SYN3: variants seen among roughly 807,000 people sequenced by gnomAD.
SYN3 encodes the protein synapsin-3.
In SYN3, 35 loss-of-function variants were observed where a neutral mutation model predicts 65.8. The observed-to-expected ratio is 0.53, with a 90% CI of 0.41 to 0.70. SYN3 has a LOEUF of 0.70. SYN3 is among the 30% of genes least tolerant of loss of function. The pLI, the probability that SYN3 is intolerant of heterozygous loss-of-function variation, is 0.00. For synonymous variants in SYN3, 270 were observed against 292.9 expected, an observed-to-expected ratio of 0.92 and a Z score of 0.80; for missense variants, 680 against 749.0, an observed-to-expected ratio of 0.91 and a Z score of 1.08.
Position 33,004,778 on chromosome 22 carries a change from T to C in SYN3, c.311+1574A>G, listed in dbSNP as rs542781017. Among the ~76,000 whole-genome samples, 168 of 152,308 alleles carry C rather than the reference T, an allele frequency of 1.1e-3. 1 individual carries two copies. Among genetic ancestry groups the C allele is most frequent in the Non-Finnish European group, 1.8e-3 (125 of 68,018 alleles). ...TTTTGGGTTAATGCTGGAATAAGAC[T>C]TTGGGGAACTGTTGGGAAGGCATGA... is the stretch of plus-strand genomic sequence containing the variant. On this transcript the variant is annotated intron_variant, in intron 2 of 13. Coordinates refer to ENST00000358763, the MANE Select transcript of SYN3 (RefSeq NM_003490.4).
intron 1 of SYN3, among the ~76,000 whole-genome samples, chr22:33,011,809 G>A (rs1055143676): frequency 6.6e-6 from 1 of 151,986 alleles, no homozygotes; most frequent in African/African-American, 2.4e-5. Context: ...GTGATTTCGA[G>A]CATTTTGTCC....
chr22:33,049,912 C>T (rs1019221490), intron 1 of SYN3, among the ~76,000 whole-genome samples: 1 of 149,650 alleles, frequency 6.7e-6, no homozygotes, highest in Non-Finnish European at 1.5e-5. Flanking sequence ...GCCACAAAGC[C>T]AAGCAGAGGA....
intron 2 of SYN3, among the ~76,000 whole-genome samples, chr22:33,001,723 T>A (rs540991872): frequency 1.3e-5 from 2 of 152,230 alleles, no homozygotes; most frequent in Non-Finnish European, 2.9e-5. Flanking sequence ...ATCTTAACCC[T>A]ACTTACATAC....
intron 1 of SYN3, among the ~76,000 whole-genome samples, chr22:33,026,624 G>A (rs1217321490): frequency 7.9e-5 from 12 of 152,090 alleles, no homozygotes; most frequent in Non-Finnish European, 8.8e-5. Context: ...CCAGTAATCC[G>A]GTGAGTCCCA....
chr22:32,781,017 TTCTC>T (rs200911798), intron 6 of SYN3, among the ~76,000 whole-genome samples: 33,243 of 133,750 alleles, frequency 0.25, 4,643 homozygotes, highest in African/African-American at 0.36. Context: ...CTTTCTTTCT[TTCTC>T]TCTCTCTTTT....
At chr22:32,856,233 A>C (rs1438679375) in intron 6 of SYN3, among the ~76,000 whole-genome samples, 2 of 152,096 alleles carry the variant, frequency 1.3e-5, no homozygotes, top group Non-Finnish European at 2.9e-5. Flanking sequence ...GACCTTTGTC[A>C]CAGCTACTTC....
intron 6 of SYN3, among the ~76,000 whole-genome samples, chr22:32,780,144 C>T (rs529437435): frequency 6.6e-6 from 1 of 152,092 alleles, no homozygotes; most frequent in South Asian, 2.1e-4. Context: ...AGCCTTCTGC[C>T]CTGATCTCTG....
chr22:32,826,916 G>A (rs1018480627), intron 6 of SYN3, among the ~76,000 whole-genome samples: 3 of 152,126 alleles, frequency 2.0e-5, no homozygotes, highest in African/African-American at 7.2e-5. Flanking sequence ...CCACTTGAGG[G>A]AACCTAGAGG....
chr22:32,618,800 G>A (rs905861434), intron 6 of SYN3, among the ~76,000 whole-genome samples: 1 of 152,192 alleles, frequency 6.6e-6, no homozygotes, highest in African/African-American at 2.4e-5. Context: ...ACCTTGAACA[G>A]CTGAAAGTTC....
intron 7 of SYN3, among the ~76,000 whole-genome samples, chr22:32,582,501 T>C (rs1370150368): frequency 2.6e-5 from 4 of 151,976 alleles, no homozygotes; most frequent in Non-Finnish European, 5.9e-5. Flanking sequence ...AGGCACATGC[T>C]ACCACAACCA....
At chr22:32,939,826 A>G (rs1423379243) in intron 3 of SYN3, among the ~76,000 whole-genome samples, 2 of 152,162 alleles carry the variant, frequency 1.3e-5, no homozygotes, top group African/African-American at 4.8e-5. Flanking sequence ...CTTCTTATAC[A>G]TCTCTTTTGG....
intron 6 of SYN3, among the ~76,000 whole-genome samples, chr22:32,622,725 C>CAAAA (rs777908921): frequency 5.1e-5 from 4 of 78,176 alleles, no homozygotes; most frequent in South Asian, 4.7e-4. Flanking sequence ...AAATCGGATG[C>CAAAA]AAAAAAAAAA....
intron 1 of SYN3, among the ~76,000 whole-genome samples, chr22:33,045,498 C>T (rs1415860505): frequency 5.2e-4 from 58 of 112,112 alleles, no homozygotes; most frequent in African/African-American, 1.7e-3. Flanking sequence ...GATGGAGTCT[C>T]GCTCTGTCGC....
At chr22:32,865,253 A>G (rs2048659713) in intron 5 of SYN3, among the ~76,000 whole-genome samples, 1 of 152,216 alleles carries the variant, frequency 6.6e-6, no homozygotes, top group Admixed American at 6.5e-5. Context: ...GTTCAGCCCA[A>G]CCATATTTAA....
At chr22:32,554,810 G>A (rs1300500419) in intron 7 of SYN3, among the ~76,000 whole-genome samples, 1 of 152,046 alleles carries the variant, frequency 6.6e-6, no homozygotes, top group Non-Finnish European at 1.5e-5. Flanking sequence ...TTGCCTTGCT[G>A]ACAAAAAAAA....
chr22:32,978,825 T>C (rs2052286842), intron 3 of SYN3, among the ~76,000 whole-genome samples: 1 of 152,144 alleles, frequency 6.6e-6, no homozygotes, highest in Non-Finnish European at 1.5e-5. Flanking sequence ...TGGAAAACAC[T>C]TAATATGGCA....
chr22:32,760,433 T>A (rs1232330608), intron 6 of SYN3, among the ~76,000 whole-genome samples: 1 of 152,074 alleles, frequency 6.6e-6, no homozygotes, highest in African/African-American at 2.4e-5. Context: ...GGGAGTGACA[T>A]CCCACACATG....
intron 6 of SYN3, among the ~76,000 whole-genome samples, chr22:32,713,692 A>T (rs1008510099): frequency 6.6e-6 from 1 of 151,986 alleles, no homozygotes; most frequent in Non-Finnish European, 1.5e-5. Context: ...TTAGCTGGGC[A>T]TGGTGGTGGG....
At chr22:32,594,204 A>C (rs965778725) in intron 7 of SYN3, among the ~76,000 whole-genome samples, 1 of 152,084 alleles carries the variant, frequency 6.6e-6, no homozygotes. Context: ...CATCCACCCA[A>C]GCAAGAAGTG....
Sources: allele counts gnomAD v4.1 joint callset (sites outside exome capture counted in the v4.1 genomes callset), GRCh38; gene constraint gnomAD v4.1.1; transcripts MANE v1.5; gene names NCBI Gene and HGNC (gene_info 2026-07-23, HGNC 2026-07-21).